CEMIP: variants seen among roughly 807,000 people sequenced by gnomAD.
The protein encoded by CEMIP is cell migration-inducing and hyaluronan-binding protein.
CEMIP carries 105 observed loss-of-function variants against 156.9 expected under a neutral mutation model. The ratio of observed to expected loss-of-function variants is 0.67; its 90% confidence interval spans 0.57 to 0.79. The LOEUF (loss-of-function observed/expected upper bound fraction) is 0.79, where lower values mean the gene tolerates loss of function less well. CEMIP is among the 30% of genes least tolerant of loss of function. The pLI is 0.00. For synonymous variants in CEMIP, 676 were observed against 668.4 expected (o/e 1.01, Z -0.17); for missense variants, 1,457 against 1,769.4 (o/e 0.82, Z 3.17).
intron 1 of CEMIP, among the ~76,000 whole-genome samples, chr15:80,838,264 G>C (rs1897310128): frequency 6.6e-6 from 1 of 152,170 alleles, no homozygotes; most frequent in Admixed American, 6.5e-5. Context: ...TCTTGCAGGT[G>C]AGCCCAGCCT....
intron 1 of CEMIP, among the ~76,000 whole-genome samples, chr15:80,794,985 A>C (rs1279854590): frequency 6.6e-6 from 1 of 152,142 alleles, no homozygotes; most frequent in Non-Finnish European, 1.5e-5. Flanking sequence ...GAAGCTAGAA[A>C]GACCAAGAGT....
chr15:80,895,232 G>A, intron 11 of CEMIP, 110 bp downstream of exon 11: 1 of 1,469,604 alleles, frequency 6.8e-7, no homozygotes, highest in Non-Finnish European at 9.5e-7. Context: ...TCCCAAAGGA[G>A]AGCACTTTTG....
chr15:80,828,663 T>A (rs971980137), intron 1 of CEMIP, among the ~76,000 whole-genome samples: 1 of 152,232 alleles, frequency 6.6e-6, no homozygotes, highest in African/African-American at 2.4e-5. Context: ...ATTTCACACA[T>A]GGAGTTTTCT....
At chr15:80,892,025 C>T (rs1464956670) in intron 10 of CEMIP, among the ~76,000 whole-genome samples, 5 of 152,176 alleles carry the variant, frequency 3.3e-5, no homozygotes, top group Admixed American at 6.5e-5. Context: ...AAACACAACT[C>T]CCCACATGCT....
At chr15:80,796,464 A>C (rs919392913) in intron 1 of CEMIP, among the ~76,000 whole-genome samples, 1 of 152,198 alleles carries the variant, frequency 6.6e-6, no homozygotes, top group African/African-American at 2.4e-5. Context: ...ATTCGAAAGG[A>C]GACTGCCAGG....
chr15:80,787,641 C>T (rs375226852), intron 1 of CEMIP, among the ~76,000 whole-genome samples: 1 of 152,336 alleles, frequency 6.6e-6, no homozygotes, highest in South Asian at 2.1e-4. Context: ...CTAGATTTTT[C>T]CTCAAAGCTG....
At chr15:80,878,427 T>C (rs890191620) in intron 3 of CEMIP, among the ~76,000 whole-genome samples, 1 of 152,204 alleles carries the variant, frequency 6.6e-6, no homozygotes, top group African/African-American at 2.4e-5. Flanking sequence ...GCTTGGAATG[T>C]CCTGAGAAGC....
chr15:80,788,106 T>C (rs994053567), intron 1 of CEMIP, among the ~76,000 whole-genome samples: 1 of 152,090 alleles, frequency 6.6e-6, no homozygotes, highest in African/African-American at 2.4e-5. Flanking sequence ...TGCTCCTTCT[T>C]GTAAAGAACA....
At chr15:80,853,866 G>T (rs558539869) in intron 1 of CEMIP, among the ~76,000 whole-genome samples, 1 of 152,360 alleles carries the variant, frequency 6.6e-6, no homozygotes, top group East Asian at 1.9e-4. Flanking sequence ...TGTGATGCAC[G>T]AGCATTGAGT....
chr15:80,806,934 A>G (rs894276089), intron 1 of CEMIP, among the ~76,000 whole-genome samples: 39 of 152,222 alleles, frequency 2.6e-4, no homozygotes, highest in African/African-American at 8.9e-4. Flanking sequence ...AGATGAGATA[A>G]TCATCTGCAT....
At chr15:80,808,796 A>G (rs2141620219) in intron 1 of CEMIP, among the ~76,000 whole-genome samples, 1 of 152,306 alleles carries the variant, frequency 6.6e-6, no homozygotes, top group Admixed American at 6.5e-5. Context: ...CAAAAAAAAA[A>G]AAATACCTGT....
chr15:80,828,758 T>C (rs1425617430), intron 1 of CEMIP, among the ~76,000 whole-genome samples: 1 of 152,206 alleles, frequency 6.6e-6, no homozygotes, highest in Admixed American at 6.5e-5. Flanking sequence ...TTCCTCTTGT[T>C]TTTCTCAGTC....
At chr15:80,857,690 G>A (rs1169113866) in intron 1 of CEMIP, among the ~76,000 whole-genome samples, 1 of 152,198 alleles carries the variant, frequency 6.6e-6, no homozygotes. Flanking sequence ...TGCTGATGTT[G>A]CTGGTCCCTT....
chr15:80,890,361 T>C (rs989778323), intron 10 of CEMIP, among the ~76,000 whole-genome samples: 26 of 151,674 alleles, frequency 1.7e-4, no homozygotes, highest in African/African-American at 5.8e-4. Context: ...GGCAGATCAC[T>C]TGAGGTCAGG....
At chr15:80,888,659 G>C (rs1167985275) in intron 8 of CEMIP, 42 bp from the exon 9 acceptor site, 1 of 1,566,414 alleles carries the variant, frequency 6.4e-7, no homozygotes, top group Non-Finnish European at 8.8e-7. Flanking sequence ...TTTTGAATTT[G>C]GGGGTCTGTC....
chr15:80,840,431 T>C (rs1897380183), intron 1 of CEMIP, among the ~76,000 whole-genome samples: 1 of 152,020 alleles, frequency 6.6e-6, no homozygotes, highest in African/African-American at 2.4e-5. Flanking sequence ...GGGTAATGCC[T>C]TTCTCCTTGG....
In CEMIP at chr15:80,783,893, C is replaced by T. The variant is rs565219630; in HGVS notation, c.-176+4279C>T. ...AGTTCCCTTGGTGTTAGGAAACACA[C>T]ATGGCCACCCAGAGGGAGAGGAGCT... On this transcript the variant is annotated intron_variant, in intron 1 of 29. Coordinates refer to ENST00000394685, the MANE Select transcript of CEMIP (RefSeq NM_001293298.2). Among the ~76,000 whole-genome samples the T allele has an allele frequency of 1.8e-4, 28 of 152,308 alleles. No homozygotes were observed. The East Asian group carries it at 5.4e-3, about 29-fold the overall frequency.
chr15:80,941,001 A>G (rs1901314163), intron 25 of CEMIP, among the ~76,000 whole-genome samples: 1 of 152,200 alleles, frequency 6.6e-6, no homozygotes, highest in South Asian at 2.1e-4. Context: ...TGGGTCCCAT[A>G]AGAGCGAGAA....
At chr15:80,806,324 T>C (rs1004349218) in intron 1 of CEMIP, among the ~76,000 whole-genome samples, 1 of 116,414 alleles carries the variant, frequency 8.6e-6, no homozygotes, top group Non-Finnish European at 2.1e-5. Context: ...CAAGGGCTTA[T>C]CCAGTTGATC....
Sources: gnomAD v4.1 joint callset for allele counts (sites outside exome capture counted in the v4.1 genomes callset) on GRCh38, gnomAD v4.1.1 for gene constraint, MANE v1.5 for transcripts, NCBI Gene and HGNC (gene_info 2026-07-23, HGNC 2026-07-21) for gene names.